FOXP1: variants seen among roughly 807,000 people sequenced by gnomAD.
The protein encoded by FOXP1 is forkhead box protein P1.
Under a neutral mutation model 98.2 loss-of-function variants are expected in FOXP1, and 15 were observed. The ratio of observed to expected loss-of-function variants is 0.15; its 90% CI spans 0.10 to 0.24. The LOEUF (loss-of-function observed/expected upper bound fraction) is 0.24. FOXP1 is among the 10% of genes least tolerant of loss of function. FOXP1 has a pLI of 1.00. For synonymous variants in FOXP1, 371 were observed against 314.5 expected, an observed-to-expected ratio of 1.18 and a Z score of -1.90; for missense variants, 633 against 848.5, an observed-to-expected ratio of 0.75 and a Z score of 3.15.
At position 71,245,620 on chromosome 3, in the gene FOXP1, T is replaced by C. The variant is rs528163843; in HGVS notation, c.-11-47228A>G. Among the ~76,000 whole-genome samples the C allele has an allele frequency of 4.1e-5, 5 of 120,718 alleles. 1 individual carries two copies. In the South Asian group the frequency reaches 1.4e-3, roughly 33 times the overall value. The allele number at this position is 120,718 out of a possible 152,430, so 79.2% of individuals were successfully genotyped here. A position where few individuals can be genotyped will look rare whatever the true frequency, so the allele number is the denominator to read the frequency against. Reference sequence around the variant, plus strand: ...AATTACTTGGTCATTTAGAAGTACCTGCTAAATAAATCAGATTTTTAAAGA... The same window carrying C: ...AATTACTTGGTCATTTAGAAGTACCCGCTAAATAAATCAGATTTTTAAAGA... On this transcript the variant is annotated intron_variant, in intron 5 of 20. Transcript: ENST00000649528.
At chr3:71,018,800 ACTT>A (rs1460171806) in intron 11 of FOXP1, among the ~76,000 whole-genome samples, 1 of 152,134 alleles carries the variant, frequency 6.6e-6, no homozygotes, top group African/African-American at 2.4e-5. Context: ...TTTTCACCAT[ACTT>A]CTTACATCTT....
intron 3 of FOXP1, among the ~76,000 whole-genome samples, chr3:71,450,575 G>A (rs1371217743): frequency 6.6e-6 from 1 of 152,190 alleles, no homozygotes; most frequent in African/African-American, 2.4e-5. Context: ...AGTTCCTAAT[G>A]TCTAGTGTAC....
At chr3:71,471,629 T>A (rs2089357245) in intron 3 of FOXP1, among the ~76,000 whole-genome samples, 1 of 152,066 alleles carries the variant, frequency 6.6e-6, no homozygotes, top group South Asian at 2.1e-4. Context: ...AGTTTACGTT[T>A]ATAGCGGACA....
intron 3 of FOXP1, among the ~76,000 whole-genome samples, chr3:71,488,313 G>C (rs2090815560): frequency 6.6e-6 from 1 of 152,098 alleles, no homozygotes; most frequent in South Asian, 2.1e-4. Context: ...ATTGACAAAT[G>C]GAATAATTCA....
In FOXP1 at chr3:71,583,465, C is replaced by CTT. The variant is rs1195207970; in HGVS notation, c.-447+104_-447+105dup. 1.1e-3 allele frequency: 813 copies of CTT among 733,476 alleles called. 2 individuals carry two copies. The African/African-American group carries it at 0.011, about 10-fold the overall frequency. The allele number at this position is 733,476 out of a possible 1,614,324, so 45.4% of individuals were successfully genotyped here. A position where few individuals can be genotyped will look rare whatever the true frequency, so the allele number is the denominator to read the frequency against. On this transcript the variant is annotated intron_variant, in intron 1 of 20. Coordinates refer to ENST00000649528, the MANE Select transcript of FOXP1 (RefSeq NM_001349338.3). The stretch of plus-strand genomic sequence containing the variant: ...ATTTTTTTTCTCTTTTTCTTTCTTT[C>CTT]TTTTTTTTTTTTTGTGCTGGTTGTT...
Position 71,474,529 on chromosome 3 carries a change from G to A in FOXP1, c.-168+18897C>T, listed in dbSNP as rs62247161. Among the ~76,000 whole-genome samples the A allele has an allele frequency of 2.9e-3, 447 of 152,268 alleles. 2 individuals carry two copies. The highest frequency in any genetic ancestry group is 5.1e-3 in the Non-Finnish European group (350 of 68,028). On this transcript the variant is annotated intron_variant, in intron 3 of 20. Transcript: ENST00000649528. ...GGCAAGCAAGTGAAGCTTCATCTGTGTTTACAGCCGCTGCCCACAGCTCAC... is the reference window on the plus strand; with the variant it reads ...GGCAAGCAAGTGAAGCTTCATCTGTATTTACAGCCGCTGCCCACAGCTCAC...
At chr3:70,980,694 C>T (rs1480915140) in intron 14 of FOXP1, among the ~76,000 whole-genome samples, 1 of 152,084 alleles carries the variant, frequency 6.6e-6, no homozygotes, top group Non-Finnish European at 1.5e-5. Context: ...GCATTTTATC[C>T]CTGCTTATGC....
chr3:71,198,685 A>C (rs561824684), intron 5 of FOXP1, among the ~76,000 whole-genome samples: 1 of 152,050 alleles, frequency 6.6e-6, no homozygotes, highest in African/African-American at 2.4e-5. Context: ...TTCAAGATTA[A>C]ATTTTTCTTT....
intron 4 of FOXP1, among the ~76,000 whole-genome samples, chr3:71,326,039 C>T (rs1396877522): frequency 6.6e-6 from 1 of 151,932 alleles, no homozygotes; most frequent in African/African-American, 2.4e-5. Context: ...CTTTATTTGG[C>T]GTGCATATTA....
intron 5 of FOXP1, among the ~76,000 whole-genome samples, chr3:71,285,450 C>T (rs924717064): frequency 6.6e-6 from 1 of 151,902 alleles, no homozygotes; most frequent in Non-Finnish European, 1.5e-5. Flanking sequence ...GGAGGAGAGA[C>T]ACAGAGGGAG....
chr3:71,099,316 G>A (rs1397495459), intron 7 of FOXP1, among the ~76,000 whole-genome samples: 1 of 152,150 alleles, frequency 6.6e-6, no homozygotes, highest in Admixed American at 6.5e-5. Context: ...TTTGAGACCA[G>A]CCTGGCCAAC....
At chr3:71,272,161 T>C (rs1051132226) in intron 5 of FOXP1, among the ~76,000 whole-genome samples, 1 of 152,198 alleles carries the variant, frequency 6.6e-6, no homozygotes, top group Non-Finnish European at 1.5e-5. Flanking sequence ...AAGGCAGTAT[T>C]ATATCTGTCA....
chr3:71,381,469 G>T lies in FOXP1; in HGVS notation c.-167-22225C>A, dbSNP rs1209649438. 3.6e-5 allele frequency among the ~76,000 whole-genome samples: 5 copies of T among 138,212 alleles called. No individual in the cohort carries two copies. In the Admixed American group the frequency reaches 3.7e-4, roughly 10 times the overall value. 90.7% of individuals were successfully genotyped at this position (138,212 alleles called of 152,430 possible). ...TTTTTTTTTTTTTTTTTGAGACAGG[G>T]TCTTGCTATGTCACCCAGGCTGGAG... On this transcript the variant is annotated intron_variant, in intron 3 of 20. Transcript: ENST00000649528.
chr3:71,360,285 C>T (rs1394059504), intron 3 of FOXP1, among the ~76,000 whole-genome samples: 2 of 152,128 alleles, frequency 1.3e-5, no homozygotes, highest in South Asian at 2.1e-4. Context: ...GCCCTACTAG[C>T]GAAACATACA....
chr3:71,328,974 T>TAAAAAAAAAA (rs869252301), intron 4 of FOXP1, among the ~76,000 whole-genome samples: 790 of 31,156 alleles, frequency 0.025, 109 homozygotes, highest in Admixed American at 0.051. Context: ...TCCATCTCGC[T>TAAAAAAAAAA]AAAAAAAAAA....
intron 3 of FOXP1, among the ~76,000 whole-genome samples, chr3:71,424,400 C>T (rs574100762): frequency 6.6e-6 from 1 of 152,292 alleles, no homozygotes; most frequent in African/African-American, 2.4e-5. Flanking sequence ...CCACCATAAC[C>T]TTGCAATGTT....
At chr3:71,205,659 C>A (rs886806848) in intron 5 of FOXP1, among the ~76,000 whole-genome samples, 2 of 152,178 alleles carry the variant, frequency 1.3e-5, no homozygotes, top group African/African-American at 4.8e-5. Context: ...AGAAACAAAC[C>A]AGCTGTAGGG....
chr3:71,324,770 A>G (rs1450116975), intron 4 of FOXP1, among the ~76,000 whole-genome samples: 1 of 150,680 alleles, frequency 6.6e-6, no homozygotes, highest in Non-Finnish European at 1.5e-5. Context: ...TATAATAAAA[A>G]CAAATAAATA....
intron 6 of FOXP1, among the ~76,000 whole-genome samples, chr3:71,152,043 C>CT (rs1257820039): frequency 1.3e-5 from 2 of 152,204 alleles, no homozygotes; most frequent in African/African-American, 4.8e-5. Flanking sequence ...TCAGTTGACT[C>CT]TGAGTTAATC....
Sources: allele counts gnomAD v4.1 joint callset (sites outside exome capture counted in the v4.1 genomes callset), GRCh38; gene constraint gnomAD v4.1.1; transcripts MANE v1.5; gene names NCBI Gene and HGNC (gene_info 2026-07-23, HGNC 2026-07-21).